The following ZEB2 variants were observed in gnomAD, a reference collection of about 807,000 sequenced individuals.
ZEB2 encodes zinc finger E-box binding homeobox 2.
In ZEB2, 6 loss-of-function variants were observed where a neutral mutation model predicts 99.9. The ratio of observed to expected loss-of-function variants is 0.06; its 90% CI spans 0.03 to 0.12. The LOEUF is 0.12. Among genes scored for constraint, ZEB2 ranks in the 10% least tolerant of loss-of-function variants. ZEB2 has a pLI of 1.00. For synonymous variants in ZEB2, 517 were observed against 542.5 expected, an observed-to-expected ratio of 0.95 and a Z score of 0.65; for missense variants, 969 against 1,502.8, an observed-to-expected ratio of 0.64 and a Z score of 5.87.
chr2:144,496,095 A>G (rs1352437200), intron 2 of ZEB2: 1 of 152,288 alleles, frequency 6.6e-6, no homozygotes, highest in African/African-American at 2.4e-5. Flanking sequence ...AAATGTTAGC[A>G]GCTTTAGGAC....
Position 144,399,928 on chromosome 2 carries a change from A to G in ZEB2, c.1259T>C (p.Leu420Pro). 6.2e-7 allele frequency: 1 copy of G among 1,614,218 alleles called. No homozygotes were observed. The highest frequency in any genetic ancestry group is 8.5e-7 in the Non-Finnish European group (1 of 1,180,024). Residue 420 changes from leucine to proline, a missense_variant, in exon 8 of 10, where the codon CTT becomes CCT. This residue lies in a region of ZEB2 where 227 missense variants were observed against 278.2 expected (regional missense o/e 0.82). Coordinates refer to ENST00000627532, the MANE Select transcript of ZEB2 (RefSeq NM_014795.4). This position sits in a 1 kb window ranked among gnomAD's most constrained non-coding sequence, Gnocchi z 5.6. ...SGTSPFMNGG[L>P]GATSPLGVHP... ...AACTCCTAAAGGGCTGGTGGCTCCA[A>G]GCCCACCATTCATAAAGGGACTAGT... is the stretch of plus-strand genomic sequence containing the variant.
At chr2:144,472,444 C>T (rs115844265) in intron 2 of ZEB2, among the ~76,000 whole-genome samples, 158 of 152,060 alleles carry the variant, frequency 1.0e-3, no homozygotes, top group African/African-American at 3.5e-3. Flanking sequence ...GTGATTGAAG[C>T]GGGGTGTGAT....
At chr2:144,438,860 G>A (rs1703870214) in intron 2 of ZEB2, among the ~76,000 whole-genome samples, 1 of 152,026 alleles carries the variant, frequency 6.6e-6, no homozygotes, top group Non-Finnish European at 1.5e-5. Context: ...ACCCTGACTA[G>A]GACCCTGTTT....
chr2:144,423,414 AT>A (rs766340405), intron 4 of ZEB2, among the ~76,000 whole-genome samples: 6 of 152,164 alleles, frequency 3.9e-5, no homozygotes, highest in Non-Finnish European at 8.8e-5. Context: ...ATATGAAGTT[AT>A]TTTATCTTGT....
At chr2:144,510,479 G>A (rs954209687) in intron 2 of ZEB2, among the ~76,000 whole-genome samples, 1 of 152,152 alleles carries the variant, frequency 6.6e-6, no homozygotes, top group Non-Finnish European at 1.5e-5. Context: ...AGGCTTCTGG[G>A]GGAGAATTCG....
rs1284552374 is a variant in ZEB2 at position 144,394,973 on chromosome 2, A to T, written c.3067+1439T>A. On this transcript the variant is annotated intron_variant, in intron 9 of 9. Transcript: ENST00000627532. ...AGGTAGTCAAAATATGACAGGAAGT[A>T]TTCACCTTCCCTTCGCTTTTTTTTT... is the stretch of plus-strand genomic sequence containing the variant. 2.9e-5 allele frequency among the ~76,000 whole-genome samples: 4 copies of T among 138,166 alleles called. No homozygotes were observed. The East Asian group carries it at 6.3e-4, about 22-fold the overall frequency. 90.6% of individuals were successfully genotyped at this position (138,166 alleles called of 152,430 possible).
chr2:144,406,298 G>A (rs1207310415), intron 4 of ZEB2, among the ~76,000 whole-genome samples: 1 of 152,160 alleles, frequency 6.6e-6, no homozygotes, highest in Non-Finnish European at 1.5e-5. Context: ...CTGCTCTGGT[G>A]AGCAGAAAAC....
At chr2:144,481,763 T>G (rs576058827) in intron 2 of ZEB2, among the ~76,000 whole-genome samples, 2 of 152,352 alleles carry the variant, frequency 1.3e-5, no homozygotes, top group Admixed American at 1.3e-4. Flanking sequence ...CGAGTTACTT[T>G]ATATGCATTA....
intron 2 of ZEB2, among the ~76,000 whole-genome samples, chr2:144,446,466 G>A (rs142762172): frequency 5.9e-5 from 9 of 151,392 alleles, no homozygotes; most frequent in Non-Finnish European, 8.8e-5. Context: ...ATTAAGTCAC[G>A]TAGTCAATAT....
chr2:144,472,053 C>T (rs1285005069), intron 2 of ZEB2, among the ~76,000 whole-genome samples: 1 of 151,894 alleles, frequency 6.6e-6, no homozygotes, highest in East Asian at 1.9e-4. Context: ...ATGCATACTG[C>T]ACAATATATG....
At chr2:144,412,952 T>C (rs1703485633) in intron 4 of ZEB2, among the ~76,000 whole-genome samples, 1 of 152,208 alleles carries the variant, frequency 6.6e-6, no homozygotes, top group South Asian at 2.1e-4. Context: ...AATAATTGAA[T>C]GATTAGGCAA....
At chr2:144,508,194 C>T (rs940487288) in intron 2 of ZEB2, among the ~76,000 whole-genome samples, 3 of 152,186 alleles carry the variant, frequency 2.0e-5, no homozygotes, top group African/African-American at 4.8e-5. Context: ...CCCGGGCCCC[C>T]GAGCCCACAG....
chr2:144,503,737 G>C (rs1313184809), intron 2 of ZEB2: 1 of 152,068 alleles, frequency 6.6e-6, no homozygotes, highest in Non-Finnish European at 1.5e-5. Flanking sequence ...TTTTCTTAAA[G>C]TGACCTTGTT....
chr2:144,505,325 A>G (rs904491046), intron 2 of ZEB2, among the ~76,000 whole-genome samples: 1 of 152,190 alleles, frequency 6.6e-6, no homozygotes, highest in African/African-American at 2.4e-5. Context: ...GGGAAAGACA[A>G]GGAAAGCAAG....
chr2:144,483,148 A>ACACACACACACACACACACACACATG (rs1553968381), intron 2 of ZEB2, among the ~76,000 whole-genome samples: 1 of 144,004 alleles, frequency 6.9e-6, no homozygotes, highest in African/African-American at 2.5e-5. Flanking sequence ...ACACACACAC[A>ACACACACACACACACACACACACATG]CACACACACA....
chr2:144,518,803 C>G (rs1573823705), intron 1 of ZEB2: 1 of 152,182 alleles, frequency 6.6e-6, no homozygotes, highest in East Asian at 1.9e-4. Context: ...GATGAAACAG[C>G]TGGCCTGTCT....
At chr2:144,411,728 T>C (rs1020716588) in intron 4 of ZEB2, among the ~76,000 whole-genome samples, 1 of 152,192 alleles carries the variant, frequency 6.6e-6, no homozygotes, top group Admixed American at 6.5e-5. Flanking sequence ...TGAACATGGC[T>C]TTCTCCAGGG....
intron 2 of ZEB2, among the ~76,000 whole-genome samples, chr2:144,442,193 C>G (rs765391938): frequency 1.1e-4 from 17 of 152,126 alleles, no homozygotes; most frequent in Non-Finnish European, 2.5e-4. Flanking sequence ...CAAGACCTGC[C>G]TTTCTCAATT....
chr2:144,513,825 G>C, intron 2 of ZEB2: 1 of 1,534,990 alleles, frequency 6.5e-7, no homozygotes, highest in Non-Finnish European at 8.7e-7. Context: ...GGTATAATCA[G>C]GGGAAAGAAA....
Sources: gnomAD v4.1 joint callset for allele counts (sites outside exome capture counted in the v4.1 genomes callset) on GRCh38, gnomAD v4.1.1 for gene constraint, gnomAD v4.1.1 regional missense constraint, Gnocchi (gnomAD v3.1) non-coding constraint, MANE v1.5 for transcripts, NCBI Gene and HGNC (gene_info 2026-07-23, HGNC 2026-07-21) for gene names.